Variants in EFCAB8 observed in about 807,000 individuals in gnomAD.
EFCAB8 encodes EF-hand calcium binding domain 8.
In EFCAB8, 100 loss-of-function variants were observed where a neutral mutation model predicts 116.3. That is an observed-to-expected ratio of 0.86 (90% CI 0.73 to 1.02). EFCAB8 has a LOEUF of 1.02. Ranked by LOEUF, EFCAB8 falls within the 50% of genes least tolerant of loss-of-function variation. The probability of loss-of-function intolerance (pLI) is 0.00; values close to 1 mark genes in which losing one functional copy is unlikely to be tolerated. For synonymous variants in EFCAB8, 558 were observed against 567.9 expected, an observed-to-expected ratio of 0.98 and a Z score of 0.25; for missense variants, 1,320 against 1,416.9, an observed-to-expected ratio of 0.93 and a Z score of 1.10.
chr20:32,865,228 C>G (rs1397057243), intron 2 of EFCAB8, among the ~76,000 whole-genome samples: 1 of 152,114 alleles, frequency 6.6e-6, no homozygotes, highest in African/African-American at 2.4e-5. Flanking sequence ...TATGGAAGAG[C>G]TCCTTGGGGG....
intron 16 of EFCAB8, 51 bp downstream of exon 16, chr20:32,911,758 G>C: frequency 6.6e-7 from 1 of 1,515,612 alleles, no homozygotes; most frequent in Non-Finnish European, 9.0e-7. Context: ...GGGAAGCAAA[G>C]CACAGCTCCT....
At chr20:32,922,445 G>A (rs1036799255) in intron 20 of EFCAB8, among the ~76,000 whole-genome samples, 2 of 152,202 alleles carry the variant, frequency 1.3e-5, no homozygotes, top group Non-Finnish European at 1.5e-5. Flanking sequence ...CATGCCAGCC[G>A]CTGGGGAAGG....
intron 20 of EFCAB8, among the ~76,000 whole-genome samples, chr20:32,920,516 A>G (rs942851033): frequency 7.9e-5 from 12 of 152,202 alleles, no homozygotes; most frequent in Admixed American, 3.3e-4. Context: ...CCTCACAATC[A>G]TGGCGGGAGG....
At chr20:32,944,782 C>T (rs1316300399) in intron 23 of EFCAB8, among the ~76,000 whole-genome samples, 2 of 151,994 alleles carry the variant, frequency 1.3e-5, no homozygotes, top group African/African-American at 2.4e-5. Flanking sequence ...AATGTGTCTC[C>T]TTGTGGATTT....
intron 7 of EFCAB8, among the ~76,000 whole-genome samples, chr20:32,891,827 G>GTT (rs35814833): frequency 1.5e-4 from 22 of 145,588 alleles, no homozygotes; most frequent in Admixed American, 2.1e-4. Flanking sequence ...GAAGGAGTCA[G>GTT]TTTTTTTTTT....
At chr20:32,887,524 G>A (rs1985693554) in intron 6 of EFCAB8, among the ~76,000 whole-genome samples, 3 of 152,204 alleles carry the variant, frequency 2.0e-5, no homozygotes, top group African/African-American at 7.2e-5. Flanking sequence ...CCAGTGAGCC[G>A]AGATCGCACC....
At chr20:32,873,023 G>C (rs1010436646) in intron 3 of EFCAB8, among the ~76,000 whole-genome samples, 2 of 151,994 alleles carry the variant, frequency 1.3e-5, no homozygotes, top group African/African-American at 4.8e-5. Flanking sequence ...AACCCAGGAT[G>C]CGGAGGTTGC....
At chr20:32,885,137 C>T (rs1174759510) in intron 5 of EFCAB8, among the ~76,000 whole-genome samples, 1 of 94,670 alleles carries the variant, frequency 1.1e-5, no homozygotes, top group African/African-American at 3.0e-5. Context: ...TGCTCACCCT[C>T]TCCTGGGCAG....
At chr20:32,933,123 A>G (rs1433008356) in intron 22 of EFCAB8, among the ~76,000 whole-genome samples, 1 of 152,190 alleles carries the variant, frequency 6.6e-6, no homozygotes, top group Non-Finnish European at 1.5e-5. Context: ...CAGATGAGGA[A>G]GTAATGAAAC....
chr20:32,909,781 T>C, intron 14 of EFCAB8, 40 bp from the exon 15 acceptor site: 1 of 1,112,926 alleles, frequency 9.0e-7, no homozygotes, highest in Non-Finnish European at 1.2e-6. Context: ...AGCAGAGCCC[T>C]TCTGACAGAC....
intron 20 of EFCAB8, among the ~76,000 whole-genome samples, chr20:32,923,896 A>C (rs11697967): frequency 0.28 from 43,057 of 152,026 alleles, 6,591 homozygotes; most frequent in Middle Eastern, 0.42. Context: ...ACCCTTGTAC[A>C]TAAATTTTGG....
chr20:32,912,922 A>T (rs572772437), intron 17 of EFCAB8, 58 bp downstream of exon 17: 3 of 701,098 alleles, frequency 4.3e-6, no homozygotes, highest in Non-Finnish European at 8.0e-6. Flanking sequence ...CTCTCTCCAG[A>T]TGGGTTCCTC....
intron 20 of EFCAB8, among the ~76,000 whole-genome samples, chr20:32,929,338 T>C (rs1353761016): frequency 6.6e-6 from 1 of 152,144 alleles, no homozygotes; most frequent in African/African-American, 2.4e-5. Context: ...TTCTGGTTTT[T>C]GACCCTGGCA....
chr20:32,904,122 G>A (rs1434451834), intron 11 of EFCAB8, among the ~76,000 whole-genome samples: 1 of 151,920 alleles, frequency 6.6e-6, no homozygotes, highest in African/African-American at 2.4e-5. Context: ...ACTTTCCTAA[G>A]TAGCTGGGAC....
intron 6 of EFCAB8, among the ~76,000 whole-genome samples, chr20:32,888,197 G>A (rs1252268235): frequency 4.0e-5 from 6 of 151,800 alleles, no homozygotes; most frequent in African/African-American, 1.5e-4. Context: ...CCAAGTAGCT[G>A]GGACTACAGG....
intron 11 of EFCAB8, among the ~76,000 whole-genome samples, chr20:32,900,514 C>T (rs1227415020): frequency 6.6e-6 from 1 of 151,994 alleles, no homozygotes. Flanking sequence ...GCACGTGCCC[C>T]CGTGCTCAGC....
intron 20 of EFCAB8, among the ~76,000 whole-genome samples, chr20:32,920,697 A>G (rs986960953): frequency 3.9e-5 from 6 of 152,092 alleles, no homozygotes; most frequent in Non-Finnish European, 5.9e-5. Flanking sequence ...CTCCCACAAC[A>G]CGGGGGAATT....
chr20:32,931,077 A>C, intron 21 of EFCAB8, 101 bp from the exon 22 acceptor site: 2 of 1,030,020 alleles, frequency 1.9e-6, no homozygotes, highest in Non-Finnish European at 2.8e-6. Context: ...ACTGCCCCCC[A>C]CCCCCACCAA....
chr20:32,956,835 CT>C (rs1365092426), intron 23 of EFCAB8, among the ~76,000 whole-genome samples: 1 of 151,768 alleles, frequency 6.6e-6, no homozygotes, highest in Non-Finnish European at 1.5e-5. Flanking sequence ...CAGATATTAT[CT>C]CTTCACTATT....
Sources: allele counts gnomAD v4.1 joint callset (sites outside exome capture counted in the v4.1 genomes callset), GRCh38; gene constraint gnomAD v4.1.1; transcripts MANE v1.5; gene names NCBI Gene and HGNC (gene_info 2026-07-23, HGNC 2026-07-21).